Variants in DNAH7 observed in about 807,000 individuals in gnomAD.
DNAH7 encodes axonemal beta dynein heavy chain 7.
Under a neutral mutation model 444.6 loss-of-function variants are expected in DNAH7, and 397 were observed. The observed-to-expected ratio is 0.89, with a 90% CI of 0.82 to 0.97. DNAH7 has a LOEUF of 0.97. DNAH7 is among the 50% of genes least tolerant of loss of function. DNAH7 has a pLI of 0.00. For synonymous variants in DNAH7, 1,636 were observed against 1,624.4 expected, an observed-to-expected ratio of 1.01 and a Z score of -0.17; for missense variants, 4,902 against 4,800.8, an observed-to-expected ratio of 1.02 and a Z score of -0.62.
intron 19 of DNAH7, among the ~76,000 whole-genome samples, chr2:195,953,109 G>A (rs1690383271): frequency 6.6e-6 from 1 of 152,064 alleles, no homozygotes; most frequent in South Asian, 2.1e-4. Flanking sequence ...CCTTCGGATG[G>A]GGTTTTTGTG....
chr2:196,059,300 A>G (rs1559378879), intron 1 of DNAH7, among the ~76,000 whole-genome samples: 1 of 152,218 alleles, frequency 6.6e-6, no homozygotes, highest in Non-Finnish European at 1.5e-5. Flanking sequence ...CCTTTGCAGT[A>G]GAGAATAATT....
intron 33 of DNAH7, 66 bp from the exon 34 acceptor site, chr2:195,886,338 T>C (rs1295466216): frequency 7.1e-7 from 1 of 1,408,924 alleles, no homozygotes. Flanking sequence ...TAGCCCCAGC[T>C]AATATTTATT....
In DNAH7 at chr2:195,876,628, T is replaced by G; in HGVS notation, c.6033A>C (p.Thr2011=). 1 of 1,613,338 alleles carries G rather than the reference T, an allele frequency of 6.2e-7. No individual in the cohort carries two copies. The highest frequency in any genetic ancestry group is 8.5e-7 in the Non-Finnish European group (1 of 1,179,342). Residue 2011 remains threonine (T), a synonymous_variant, in exon 37 of 65, where the codon ACA becomes ACC. Coordinates refer to ENST00000312428, the MANE Select transcript of DNAH7 (RefSeq NM_018897.3). ...TGACAATATTCTGAGTTTGAGCTGC[T>G]GTAGTTTGTGCTGAGAAGTTAATTA... ...PLLINFSAQT[T]AAQTQNIVMS...
chr2:195,934,829 A>G lies in DNAH7; in HGVS notation c.3273-40T>C, dbSNP rs374202299. 1.4e-5 allele frequency: 22 copies of G among 1,604,672 alleles called. No individual in the cohort carries two copies. In the African/African-American group the frequency reaches 2.5e-4, roughly 19 times the overall value. On this transcript the variant is annotated intron_variant, in intron 20 of 64. Coordinates refer to ENST00000312428, the MANE Select transcript of DNAH7 (RefSeq NM_018897.3). ...ATTTTTAAGATAATTAACCAAGTTA[A>G]AACAATTCTTTACACTCCAGAGTTC... is the stretch of plus-strand genomic sequence containing the variant.
At chr2:196,014,305 T>A (rs1348357932) in intron 9 of DNAH7, among the ~76,000 whole-genome samples, 2 of 152,178 alleles carry the variant, frequency 1.3e-5, no homozygotes, top group Admixed American at 6.6e-5. Flanking sequence ...CAGAAGGAAA[T>A]GCAAGTCTCT....
In DNAH7 at chr2:195,794,418, C is replaced by G. The variant is rs1286638987; in HGVS notation, c.10636G>C (p.Gly3546Arg). Residue 3546 changes from glycine to arginine, a missense_variant, in exon 57 of 65, where the codon GGT (glycine) becomes CGT (arginine). Transcript: ENST00000312428. ...GVKMTNEAPK[G>R]LRANIIRSYL... ...GATCGAATGATATTAGCCCGTAAACCTTTTGGTGCTTCATTGGTCATTTTC... is the reference window on the plus strand; with the variant it reads ...GATCGAATGATATTAGCCCGTAAACGTTTTGGTGCTTCATTGGTCATTTTC... The G allele has an allele frequency of 3.7e-6, 6 of 1,614,124 alleles. No homozygotes were observed. Among genetic ancestry groups the G allele is most frequent in the African/African-American group, 1.3e-5 (1 of 75,020 alleles).
rs765785319 is a variant in DNAH7, at chr2:195,972,481, A to G, written c.1834-15T>C. 3.1e-6 allele frequency: 5 copies of G among 1,592,164 alleles called. No homozygotes were observed. The highest frequency in any genetic ancestry group is 2.2e-5 in the East Asian group (1 of 44,740). Reference sequence around the variant, plus strand: ...TGAATGTAAGCCTGAGGGAAAACAAAAATTACAGGTGACATTTTAACGAAC... The same window carrying G: ...TGAATGTAAGCCTGAGGGAAAACAAGAATTACAGGTGACATTTTAACGAAC... On this transcript the variant is annotated splice_polypyrimidine_tract_variant and intron_variant, in intron 15 of 64. Coordinates refer to ENST00000312428, the MANE Select transcript of DNAH7 (RefSeq NM_018897.3).
rs760558922 is a variant in DNAH7, at chr2:195,864,608, A to G, written c.7047T>C (p.Ser2349=). Residue 2349 remains serine (S), a synonymous_variant, in exon 41 of 65, where the codon TCT becomes TCC. Transcript: ENST00000312428. ...LVGVGGSGRQ[S]VTRLAAHMAD... is the part of the protein sequence containing the mutation. Reference sequence around the variant, plus strand: ...CCATGTGGGCAGCTAATCTGGTGACAGACTGCCTTCCACTCCCTCCAACCC... The same window carrying G: ...CCATGTGGGCAGCTAATCTGGTGACGGACTGCCTTCCACTCCCTCCAACCC... The G allele has an allele frequency of 3.1e-6, 5 of 1,614,106 alleles. 1 individual carries two copies. In the South Asian group the frequency reaches 5.5e-5, roughly 18 times the overall value.
chr2:196,005,006 C>T (rs1255332379), intron 10 of DNAH7, among the ~76,000 whole-genome samples: 1 of 148,770 alleles, frequency 6.7e-6, no homozygotes, highest in Non-Finnish European at 1.5e-5. Flanking sequence ...TGCAGTGGCT[C>T]ACGCCTGTAA....
chr2:195,740,060 C>T (rs931274679), intron 64 of DNAH7, among the ~76,000 whole-genome samples: 7 of 151,952 alleles, frequency 4.6e-5, no homozygotes, highest in African/African-American at 1.5e-4. Context: ...CTAAGCTCAC[C>T]GCAACCTCCA....
chr2:195,747,765 G>A (rs1693517560), intron 63 of DNAH7, among the ~76,000 whole-genome samples: 1 of 152,054 alleles, frequency 6.6e-6, no homozygotes. Context: ...TGCAGAAAAG[G>A]CCTTTGACAA....
intron 47 of DNAH7, among the ~76,000 whole-genome samples, 185 bp downstream of exon 47, chr2:195,844,817 G>C (rs1243692102): frequency 6.6e-6 from 1 of 152,106 alleles, no homozygotes; most frequent in African/African-American, 2.4e-5. Flanking sequence ...GTTTACTACA[G>C]TGTCTAATAC....
At position 195,934,665 on chromosome 2, in the gene DNAH7, T is replaced by C. The variant is rs761013746; in HGVS notation, c.3397A>G (p.Thr1133Ala). 13 of 1,614,028 alleles carry C rather than the reference T, an allele frequency of 8.1e-6. No homozygotes were observed. Among genetic ancestry groups the C allele is most frequent in the South Asian group, 6.6e-5 (6 of 91,090 alleles). Residue 1133 changes from threonine to alanine, a missense_variant, in exon 21 of 65, where the codon ACA (threonine) becomes GCA (alanine). Physicochemically the swap from Thr to Ala is moderately conservative, Grantham distance 58. Coordinates refer to ENST00000312428, the MANE Select transcript of DNAH7 (RefSeq NM_018897.3). ...EVVELIEIISTAKARGQVEKW... is the reference protein window; with the variant it reads ...EVVELIEIISAAKARGQVEKW... ...TCCACTTGACCTCTGGCTTTGGCTGTTGAAATAATCTCTATGAGTTCTACA... is the reference window on the plus strand; with the variant it reads ...TCCACTTGACCTCTGGCTTTGGCTGCTGAAATAATCTCTATGAGTTCTACA...
At chr2:195,956,202 G>T (rs559834791) in intron 19 of DNAH7, among the ~76,000 whole-genome samples, 1 of 151,988 alleles carries the variant, frequency 6.6e-6, no homozygotes, top group Non-Finnish European at 1.5e-5. Context: ...CTATTTCAGG[G>T]TAAGACATTT....
intron 5 of DNAH7, among the ~76,000 whole-genome samples, chr2:196,030,228 G>A (rs535136118): frequency 1.3e-5 from 2 of 152,258 alleles, no homozygotes; most frequent in African/African-American, 2.4e-5. Context: ...AGAGCCAAGG[G>A]AAAGGGGTTT....
At chr2:195,983,020 GCCAGATA>G (rs1314393028) in intron 15 of DNAH7, among the ~76,000 whole-genome samples, 2 of 152,002 alleles carry the variant, frequency 1.3e-5, no homozygotes, top group African/African-American at 4.8e-5. Flanking sequence ...TGCTTGAGGT[GCCAGATA>G]CCCCATTTAC....
Position 195,971,294 on chromosome 2 carries a change from T to G in DNAH7, c.2058+948A>C, listed in dbSNP as rs185585726. Among the ~76,000 whole-genome samples the G allele has an allele frequency of 2.4e-4, 37 of 152,292 alleles. 1 individual carries two copies. In the East Asian group the frequency reaches 6.2e-3, roughly 25 times the overall value. On this transcript the variant is annotated intron_variant, in intron 16 of 64. Coordinates refer to ENST00000312428, the MANE Select transcript of DNAH7 (RefSeq NM_018897.3). ...ACCTGTAAAATGAGACTGTAAATAT[T>G]AAGTCATTTACTAATACAGTAGCTA...
At chr2:195,797,581 T>C (rs1030830037) in intron 55 of DNAH7, among the ~76,000 whole-genome samples, 2 of 152,164 alleles carry the variant, frequency 1.3e-5, no homozygotes, top group Non-Finnish European at 2.9e-5. Flanking sequence ...CAAGCTTGTG[T>C]TGACTAGGAG....
intron 1 of DNAH7, among the ~76,000 whole-genome samples, chr2:196,058,924 C>T (rs1575121048): frequency 6.6e-6 from 1 of 152,148 alleles, no homozygotes; most frequent in South Asian, 2.1e-4. Context: ...CGAGATTTTA[C>T]GACTTACTAC....
Sources: gnomAD v4.1 joint callset for allele counts (sites outside exome capture counted in the v4.1 genomes callset) on GRCh38, gnomAD v4.1.1 for gene constraint, MANE v1.5 for transcripts, NCBI Gene and HGNC (gene_info 2026-07-23, HGNC 2026-07-21) for gene names.